NELL1: variants seen among roughly 807,000 people sequenced by gnomAD.
NELL1 encodes the protein neural EGFL like 1.
In NELL1, 76 loss-of-function variants were observed where a neutral mutation model predicts 107.4. The observed-to-expected ratio is 0.71, with a 90% confidence interval of 0.59 to 0.86. The LOEUF (loss-of-function observed/expected upper bound fraction) is 0.86, where lower values mean the gene tolerates loss of function less well. Ranked by LOEUF, NELL1 falls within the 40% of genes least tolerant of loss-of-function variation. The pLI is 0.00. For missense variants in NELL1, 1,024 were observed against 1,005.5 expected, an observed-to-expected ratio of 1.02 and a Z score of -0.25; for synonymous variants, 353 against 341.2, an observed-to-expected ratio of 1.03 and a Z score of -0.38.
chr11:20,862,561 C>T (rs937979369), intron 4 of NELL1, among the ~76,000 whole-genome samples: 11 of 142,238 alleles, frequency 7.7e-5, no homozygotes, highest in Non-Finnish European at 1.5e-4. Context: ...ATCATAGTAA[C>T]GTACAGAATA....
chr11:21,369,386 T>C (rs1475549544), intron 14 of NELL1, among the ~76,000 whole-genome samples: 3 of 138,036 alleles, frequency 2.2e-5, no homozygotes, highest in Non-Finnish European at 4.7e-5. Context: ...TTTTTTTGCA[T>C]AGGCGAAGTG....
At chr11:21,037,267 C>T (rs1853116181) in intron 12 of NELL1, among the ~76,000 whole-genome samples, 1 of 152,080 alleles carries the variant, frequency 6.6e-6, no homozygotes, top group Admixed American at 6.6e-5. Flanking sequence ...ACCCACCTTA[C>T]TGGATAGTGC....
intron 13 of NELL1, among the ~76,000 whole-genome samples, chr11:21,168,795 A>G (rs1251586557): frequency 1.3e-5 from 2 of 151,862 alleles, no homozygotes; most frequent in African/African-American, 2.4e-5. Context: ...AAAATTATGC[A>G]TATTTTCAAT....
chr11:21,052,203 G>T (rs972733841), intron 12 of NELL1, among the ~76,000 whole-genome samples: 1 of 152,034 alleles, frequency 6.6e-6, no homozygotes, highest in African/African-American at 2.4e-5. Flanking sequence ...TGAGATGGGG[G>T]AAAGTGGGAT....
At chr11:20,864,286 C>T (rs1430065653) in intron 4 of NELL1, among the ~76,000 whole-genome samples, 4 of 152,154 alleles carry the variant, frequency 2.6e-5, no homozygotes, top group Admixed American at 6.5e-5. Flanking sequence ...CAGATGCATT[C>T]TCTCACATAG....
intron 14 of NELL1, among the ~76,000 whole-genome samples, chr11:21,353,978 A>T (rs1850873569): frequency 6.6e-6 from 1 of 152,198 alleles, no homozygotes; most frequent in Non-Finnish European, 1.5e-5. Flanking sequence ...AATGATGTCA[A>T]CAATAATTAG....
intron 15 of NELL1, among the ~76,000 whole-genome samples, chr11:21,439,774 G>A (rs999745829): frequency 1.3e-5 from 2 of 152,074 alleles, no homozygotes; most frequent in South Asian, 4.2e-4. Flanking sequence ...ATTCTTTAAG[G>A]AAGTACAAAT....
At chr11:21,410,912 G>A (rs534526562) in intron 15 of NELL1, among the ~76,000 whole-genome samples, 7 of 152,050 alleles carry the variant, frequency 4.6e-5, no homozygotes, top group African/African-American at 1.7e-4. Flanking sequence ...TATAAACTCA[G>A]AATTTCTTCC....
intron 13 of NELL1, among the ~76,000 whole-genome samples, chr11:21,222,823 T>A (rs1670626): frequency 0.99 from 149,993 of 152,162 alleles, 73,960 homozygotes; most frequent in Middle Eastern, 1. Flanking sequence ...TTCCTGAAAC[T>A]TGTTTATATT....
At chr11:21,215,757 G>T (rs1262765421) in intron 13 of NELL1, among the ~76,000 whole-genome samples, 1 of 152,164 alleles carries the variant, frequency 6.6e-6, no homozygotes, top group Non-Finnish European at 1.5e-5. Flanking sequence ...GATTTAGGGT[G>T]ATTTGTGGAA....
At position 21,381,904 on chromosome 11, in the gene NELL1, ATTTTTTTTTTTTTT is replaced by A. The variant is rs149327802; in HGVS notation, c.1645+10973_1645+10986del. On this transcript the variant is annotated intron_variant, in intron 15 of 19. Transcript: ENST00000357134. ...AACTTGGGTATGGTCCCTGGAAGGGATTTTTTTTTTTTTTTTTTTTTTTTTTTTTTGCTATTGTT... is the reference window on the plus strand; with the variant it reads ...AACTTGGGTATGGTCCCTGGAAGGGATTTTTTTTTTTTTTTTGCTATTGTT... Among the ~76,000 whole-genome samples, 422 of 91,384 alleles carry A rather than the reference ATTTTTTTTTTTTTT, an allele frequency of 4.6e-3. 1 individual carries two copies. Among genetic ancestry groups the A allele is most frequent in the African/African-American group, 0.017 (385 of 22,498 alleles). The allele number at this position is 91,384 out of a possible 152,430, so 60.0% of individuals were successfully genotyped here. A position where few individuals can be genotyped will look rare whatever the true frequency, so the allele number is the denominator to read the frequency against.
At chr11:21,551,837 C>T (rs953739505) in intron 16 of NELL1, among the ~76,000 whole-genome samples, 5 of 150,788 alleles carry the variant, frequency 3.3e-5, no homozygotes, top group African/African-American at 4.9e-5. Context: ...CACATGCACA[C>T]GTATGTTTAT....
At chr11:20,936,187 C>T (rs1850721295) in intron 9 of NELL1, among the ~76,000 whole-genome samples, 1 of 151,964 alleles carries the variant, frequency 6.6e-6, no homozygotes, top group Admixed American at 6.6e-5. Context: ...CTGGAATGGC[C>T]CTTCGGAGTT....
intron 14 of NELL1, among the ~76,000 whole-genome samples, chr11:21,259,381 A>T (rs1858848069): frequency 6.6e-6 from 1 of 151,938 alleles, no homozygotes; most frequent in African/African-American, 2.4e-5. Context: ...ATTTCAAAGG[A>T]CAAGTGGGAC....
At chr11:21,536,743 C>T (rs1374036221) in intron 16 of NELL1, among the ~76,000 whole-genome samples, 1 of 152,140 alleles carries the variant, frequency 6.6e-6, no homozygotes, top group African/African-American at 2.4e-5. Context: ...ACACCTCATT[C>T]CCAGCCACAT....
chr11:20,847,806 G>GA, intron 4 of NELL1, 53 bp downstream of exon 4: 1 of 1,506,926 alleles, frequency 6.6e-7, no homozygotes. Flanking sequence ...TCAAGCAATG[G>GA]AAAAGGGGAA....
chr11:21,123,846 A>T (rs529856157), intron 13 of NELL1, among the ~76,000 whole-genome samples: 1 of 152,256 alleles, frequency 6.6e-6, no homozygotes, highest in Non-Finnish European at 1.5e-5. Context: ...CAATAAATCC[A>T]TATAGTGGAA....
At chr11:20,860,246 A>T (rs762410916) in intron 4 of NELL1, among the ~76,000 whole-genome samples, 16 of 152,162 alleles carry the variant, frequency 1.1e-4, no homozygotes, top group Non-Finnish European at 1.8e-4. Flanking sequence ...TCAACACAGT[A>T]ATTTTTGATC....
chr11:21,574,306 G>A (rs1319366659), intron 19 of NELL1, among the ~76,000 whole-genome samples: 1 of 151,414 alleles, frequency 6.6e-6, no homozygotes, highest in African/African-American at 2.4e-5. Context: ...AGTAGAAAAA[G>A]GATACTATCA....
Sources: gnomAD v4.1 joint callset for allele counts (sites outside exome capture counted in the v4.1 genomes callset) on GRCh38, gnomAD v4.1.1 for gene constraint, MANE v1.5 for transcripts, NCBI Gene and HGNC (gene_info 2026-07-23, HGNC 2026-07-21) for gene names.